The following CCDC14 variants were observed in gnomAD, a reference collection of about 807,000 sequenced individuals.
CCDC14 encodes coiled-coil domain containing 14.
CCDC14 carries 71 observed loss-of-function variants against 81.4 expected under a neutral mutation model. That is an observed-to-expected ratio of 0.87 (90% CI 0.72 to 1.06). The LOEUF (loss-of-function observed/expected upper bound fraction) is 1.06, where lower values mean the gene tolerates loss of function less well. Among genes scored for constraint, CCDC14 ranks in the 50% least tolerant of loss-of-function variants. The pLI is 0.00. For synonymous variants in CCDC14, 332 were observed against 364.8 expected (o/e 0.91, Z 1.03); for missense variants, 1,046 against 1,047.3 (o/e 1.00, Z 0.02).
intron 12 of CCDC14, among the ~76,000 whole-genome samples, chr3:123,927,046 A>G (rs34159794): frequency 0.43 from 65,995 of 151,972 alleles, 18,033 homozygotes; most frequent in Non-Finnish European, 0.63. Flanking sequence ...GTCATCAAAG[A>G]AATTATAAAT....
At chr3:123,955,024 G>C (rs1040634512) in intron 5 of CCDC14, 2 of 152,064 alleles carry the variant, frequency 1.3e-5, no homozygotes, top group African/African-American at 4.8e-5. Flanking sequence ...TCAACCTCTA[G>C]TCCCATGAAT....
intron 12 of CCDC14, among the ~76,000 whole-genome samples, chr3:123,925,572 A>G (rs1030968725): frequency 6.6e-6 from 1 of 152,014 alleles, no homozygotes; most frequent in African/African-American, 2.4e-5. Flanking sequence ...AGTAGCTGGG[A>G]TTACAGGCAC....
chr3:123,895,511 C>G (rs755445631), downstream of CCDC14, among the ~76,000 whole-genome samples: 14 of 152,144 alleles, frequency 9.2e-5, no homozygotes, highest in Non-Finnish European at 1.9e-4. Context: ...GACTCACTTG[C>G]AGAGCTTTAA....
rs533973884 is a variant in CCDC14, at chr3:123,941,683, A to G, written c.1343+3166T>C. Among the ~76,000 whole-genome samples the G allele has an allele frequency of 2.8e-4, 43 of 152,172 alleles. 1 individual carries two copies. The South Asian group carries it at 7.9e-3, about 28-fold the overall frequency. On this transcript the variant is annotated intron_variant, in intron 9 of 12. Coordinates refer to ENST00000409697, the MANE Select transcript of CCDC14 (RefSeq NM_001366335.1). Reference sequence around the variant, plus strand: ...TAAACAACAGTGGCAATAGCATGCTATATAATCTTTGTCCTGTAAAGACAG... The same window carrying G: ...TAAACAACAGTGGCAATAGCATGCTGTATAATCTTTGTCCTGTAAAGACAG...
chr3:123,919,527 T>G (rs998245592), intron 12 of CCDC14, among the ~76,000 whole-genome samples: 5 of 152,214 alleles, frequency 3.3e-5, no homozygotes, highest in Admixed American at 3.3e-4. Flanking sequence ...CAAAGGTGAT[T>G]GCAGAGCCCA....
At position 123,946,891 on chromosome 3, in the gene CCDC14, C is replaced by A; in HGVS notation, c.1113G>T (p.Gln371His). Residue 371 changes from glutamine (Q) to histidine (H), a missense_variant, in exon 8 of 13, where the codon CAG becomes CAT. Gln to His is a conservative substitution (Grantham distance 24, BLOSUM62 0). Transcript: ENST00000409697. ...CTGTCTTGTTCACATTTTTTGCCTT[C>A]TGTACATCCTTCACTGTTTTTGTAT... ...VRDTKTVKDV[Q>H]KAKNVNKTAE... 6.2e-7 allele frequency: 1 copy of A among 1,613,942 alleles called. No homozygotes were observed. Among genetic ancestry groups the A allele is most frequent in the Non-Finnish European group, 8.5e-7 (1 of 1,179,856 alleles).
downstream of CCDC14, among the ~76,000 whole-genome samples, chr3:123,910,483 C>A (rs189048214): frequency 3.4e-3 from 524 of 152,056 alleles, 9 homozygotes; most frequent in African/African-American, 0.012. Flanking sequence ...CAGTGCCCTG[C>A]AGTTTTCCAG....
At chr3:123,892,178 G>A in the CCDC14 span, among the ~76,000 whole-genome samples, 5 of 152,232 alleles carry the variant, frequency 3.3e-5, no homozygotes, top group South Asian at 1.0e-3. Flanking sequence ...AGATTTGGGT[G>A]AGGACACAGA....
chr3:123,923,748 A>G (rs2035187866), intron 12 of CCDC14, among the ~76,000 whole-genome samples: 1 of 150,974 alleles, frequency 6.6e-6, no homozygotes, highest in Non-Finnish European at 1.5e-5. Flanking sequence ...TACATATATT[A>G]TTAGTATATA....
intron 12 of CCDC14, among the ~76,000 whole-genome samples, chr3:123,917,503 AAAAAAACAAAAAAC>A (rs200708315): frequency 0.11 from 16,215 of 151,126 alleles, 1,962 homozygotes; most frequent in East Asian, 0.42. Context: ...TCAACCAAAA[AAAAAAACAAAAAAC>A]AAAAAAACCC....
At position 123,956,397 on chromosome 3, in the gene CCDC14, A is replaced by G. The variant is rs752612437; in HGVS notation, c.117T>C (p.Asn39=). 153 of 1,548,308 alleles carry G rather than the reference A, an allele frequency of 9.9e-5. No homozygotes were observed. Among genetic ancestry groups the G allele is most frequent in the Admixed American group, 2.8e-4 (14 of 50,692 alleles). The change falls in exon 3 of 13, where the codon AAT becomes AAC. Residue 39 remains asparagine (N), a synonymous_variant. Coordinates refer to ENST00000409697, the MANE Select transcript of CCDC14 (RefSeq NM_001366335.1). ...ATYLRKIPRF[N]ADSGYSIHSD... The stretch of plus-strand genomic sequence containing the variant: ...AATGGATGGAATAGCCAGAATCTGC[A>G]TTAAAACGTGGTATTTTTCTTAAAT...
At chr3:123,940,070 G>A (rs2036269541) in intron 9 of CCDC14, among the ~76,000 whole-genome samples, 1 of 151,554 alleles carries the variant, frequency 6.6e-6, no homozygotes, top group African/African-American at 2.4e-5. Flanking sequence ...TTTAGGAAGA[G>A]GAAGAAGCTA....
chr3:123,894,009 G>A (rs915552279), downstream of CCDC14, among the ~76,000 whole-genome samples: 2 of 152,078 alleles, frequency 1.3e-5, no homozygotes, highest in African/African-American at 2.4e-5. Flanking sequence ...TGTTGTCTAT[G>A]TTATTGATGT....
At chr3:123,921,893 T>C (rs1559770068) in intron 12 of CCDC14, among the ~76,000 whole-genome samples, 1 of 152,198 alleles carries the variant, frequency 6.6e-6, no homozygotes, top group Admixed American at 6.5e-5. Context: ...CTCATAGACA[T>C]AATATAGAAC....
chr3:123,943,456 A>G (rs1220677568), intron 9 of CCDC14, among the ~76,000 whole-genome samples: 3 of 152,074 alleles, frequency 2.0e-5, no homozygotes, highest in African/African-American at 7.2e-5. Flanking sequence ...AACTAAAAAT[A>G]TACTCTAATC....
Position 123,944,888 on chromosome 3 carries a change from G to C in CCDC14, c.1304C>G (p.Ala435Gly). Reference protein sequence around the residue: ...NTDIQVEIALAMQPLRSENAQ... With the variant: ...NTDIQVEIALGMQPLRSENAQ... ...ATTCTCACTTCTTAATGGTTGCATGGCCAGTGCTATCTCAACTTGAATATC... is the reference window on the plus strand; with the variant it reads ...ATTCTCACTTCTTAATGGTTGCATGCCCAGTGCTATCTCAACTTGAATATC... Residue 435 changes from alanine (A) to glycine (G), a missense_variant, in exon 9 of 13, where the codon GCC (alanine) becomes GGC (glycine). Physicochemically the swap from Ala to Gly is moderately conservative, Grantham distance 60. Transcript: ENST00000409697. 6.2e-7 allele frequency: 1 copy of C among 1,611,344 alleles called. No homozygotes were observed. Among genetic ancestry groups the C allele is most frequent in the Non-Finnish European group, 8.5e-7 (1 of 1,178,144 alleles).
At chr3:123,916,466 G>A (rs1028085523) in intron 12 of CCDC14, among the ~76,000 whole-genome samples, 2 of 113,540 alleles carry the variant, frequency 1.8e-5, no homozygotes, top group Admixed American at 8.9e-5. Flanking sequence ...TTATATATGT[G>A]TTTGTGTGTG....
intron 12 of CCDC14, among the ~76,000 whole-genome samples, chr3:123,927,885 G>A (rs1178805589): frequency 1.3e-5 from 2 of 152,098 alleles, no homozygotes; most frequent in Non-Finnish European, 2.9e-5. Context: ...GAATGAGCAG[G>A]TACAAAAGTA....
rs2036539851 is a variant in CCDC14, at chr3:123,944,840, A to G, written c.1343+9T>C. On this transcript the variant is annotated intron_variant, in intron 9 of 12. Transcript: ENST00000409697. Reference sequence around the variant, plus strand: ...ATACAGACAAAAATATTCAAAGAGCAATTCTTACCTTCGTAACTGAGCATT... The same window carrying G: ...ATACAGACAAAAATATTCAAAGAGCGATTCTTACCTTCGTAACTGAGCATT... 2.5e-6 allele frequency: 4 copies of G among 1,597,980 alleles called. No individual in the cohort carries two copies. The South Asian group carries it at 4.5e-5, about 18-fold the overall frequency.
Sources: allele counts gnomAD v4.1 joint callset (sites outside exome capture counted in the v4.1 genomes callset), GRCh38; gene constraint gnomAD v4.1.1; transcripts MANE v1.5; gene names NCBI Gene and HGNC (gene_info 2026-07-23, HGNC 2026-07-21).